Variants in ST8SIA6 observed in about 807,000 individuals in gnomAD.
ST8SIA6 encodes the protein ST8 alpha-N-acetyl-neuraminide alpha-2,8-sialyltransferase 6.
A neutral mutation model predicts 33.6 loss-of-function variants in ST8SIA6; 39 were observed. The ratio of observed to expected loss-of-function variants is 1.16; its 90% CI spans 0.90 to 1.52. The LOEUF (loss-of-function observed/expected upper bound fraction) is 1.52, where lower values mean the gene tolerates loss of function less well. Ranked by LOEUF, ST8SIA6 falls within the 40% of genes most tolerant of loss-of-function variation. ST8SIA6 has a pLI of 0.00. For synonymous variants in ST8SIA6, 172 were observed against 167.2 expected (o/e 1.03, Z -0.22); for missense variants, 441 against 443.8 (o/e 0.99, Z 0.06).
At chr10:17,338,420 C>A (rs577961970) in intron 4 of ST8SIA6, among the ~76,000 whole-genome samples, 69 of 152,144 alleles carry the variant, frequency 4.5e-4, no homozygotes, top group Non-Finnish European at 7.9e-4. Flanking sequence ...CAACTCAAAC[C>A]TTTGTGTTTT....
chr10:17,383,674 G>A (rs191554784), intron 3 of ST8SIA6, among the ~76,000 whole-genome samples: 1 of 152,088 alleles, frequency 6.6e-6, no homozygotes, highest in African/African-American at 2.4e-5. Context: ...TTAAATGCAC[G>A]TTTCTAATAA....
intron 2 of ST8SIA6, among the ~76,000 whole-genome samples, chr10:17,433,145 C>T (rs1852153178): frequency 6.6e-6 from 1 of 152,172 alleles, no homozygotes; most frequent in Admixed American, 6.5e-5. Flanking sequence ...CACATCCCAA[C>T]TTCTCTGGCT....
chr10:17,349,595 C>T (rs1848964487), intron 4 of ST8SIA6, among the ~76,000 whole-genome samples: 2 of 152,152 alleles, frequency 1.3e-5, no homozygotes, highest in Admixed American at 6.5e-5. Context: ...AGAATAAAGA[C>T]GTTGCCATAA....
chr10:17,432,347 T>C (rs1022617990), intron 2 of ST8SIA6, among the ~76,000 whole-genome samples: 2 of 152,066 alleles, frequency 1.3e-5, no homozygotes, highest in African/African-American at 4.8e-5. Flanking sequence ...GAGAATAGAT[T>C]CTGGAAGGGG....
chr10:17,437,610 TTTCC>T (rs374960462), intron 2 of ST8SIA6, among the ~76,000 whole-genome samples: 13 of 97,980 alleles, frequency 1.3e-4, no homozygotes, highest in South Asian at 3.5e-4. Flanking sequence ...GGACCCCCTG[TTTCC>T]TTCCTTCCTT....
In ST8SIA6 at chr10:17,317,205, T is replaced by C. The variant is rs1847800933; in HGVS notation, c.*3673A>G. ...ATATTATCTGCTAAAGAGTTTGCCC[T>C]GTCTCCATTACATAAGTAGCGCATC... On this transcript the variant is annotated 3_prime_UTR_variant, in exon 8 of 8. Coordinates refer to ENST00000377602, the MANE Select transcript of ST8SIA6 (RefSeq NM_001004470.3). 6.6e-6 allele frequency among the ~76,000 whole-genome samples: 1 copy of C among 152,228 alleles called. No individual in the cohort carries two copies. The highest frequency in any genetic ancestry group is 1.5e-5 in the Non-Finnish European group (1 of 68,038).
At chr10:17,447,610 G>A (rs1327200703) in intron 2 of ST8SIA6, among the ~76,000 whole-genome samples, 1 of 152,046 alleles carries the variant, frequency 6.6e-6, no homozygotes, top group Non-Finnish European at 1.5e-5. Context: ...GAAATGAGGA[G>A]GGGATCATTT....
At chr10:17,431,062 A>T (rs1013961463) in intron 2 of ST8SIA6, among the ~76,000 whole-genome samples, 2 of 152,252 alleles carry the variant, frequency 1.3e-5, no homozygotes, top group Admixed American at 6.5e-5. Flanking sequence ...AAAAAGATTT[A>T]GGCAGAAATC....
At chr10:17,384,545 C>T (rs1461994636) in intron 3 of ST8SIA6, among the ~76,000 whole-genome samples, 1 of 152,130 alleles carries the variant, frequency 6.6e-6, no homozygotes, top group African/African-American at 2.4e-5. Flanking sequence ...AAATTCTAGT[C>T]TTGCCTAATG....
chr10:17,409,639 G>C (rs1011907532), intron 2 of ST8SIA6: 1 of 152,300 alleles, frequency 6.6e-6, no homozygotes, highest in African/African-American at 2.4e-5. Context: ...CACTTTGGGA[G>C]GCCAAGGTAG....
chr10:17,377,306 T>G (rs1271658009), intron 3 of ST8SIA6, among the ~76,000 whole-genome samples: 1 of 152,182 alleles, frequency 6.6e-6, no homozygotes, highest in Non-Finnish European at 1.5e-5. Context: ...GCTGACTCCC[T>G]TTTCGGACTT....
chr10:17,419,392 C>T (rs1262478006), intron 2 of ST8SIA6, among the ~76,000 whole-genome samples: 1 of 151,988 alleles, frequency 6.6e-6, no homozygotes, highest in Non-Finnish European at 1.5e-5. Flanking sequence ...ATTAGCTGGG[C>T]ATGGCAGTGT....
At chr10:17,415,897 C>T (rs924920913) in intron 2 of ST8SIA6, among the ~76,000 whole-genome samples, 2 of 150,914 alleles carry the variant, frequency 1.3e-5, no homozygotes, top group Admixed American at 6.6e-5. Context: ...GCAACCTCCA[C>T]CTCCCAGGTT....
intron 2 of ST8SIA6, among the ~76,000 whole-genome samples, chr10:17,393,944 T>C (rs544161988): frequency 9.3e-4 from 142 of 152,216 alleles, no homozygotes; most frequent in Non-Finnish European, 1.9e-3. Context: ...CTGTGCTTTC[T>C]GAATGTATTA....
intron 2 of ST8SIA6, among the ~76,000 whole-genome samples, chr10:17,423,875 A>G (rs926513970): frequency 6.6e-6 from 1 of 152,208 alleles, no homozygotes; most frequent in Admixed American, 6.5e-5. Context: ...GTAGATAACT[A>G]AAGTGATGCA....
chr10:17,374,777 A>G lies in ST8SIA6; in HGVS notation c.291-15177T>C, dbSNP rs1046779205. ...AATATATATATATATATTTAGCTCA[A>G]CTGCCCTCCCAACTTGAAATTTTAT... is the stretch of plus-strand genomic sequence containing the variant. On this transcript the variant is annotated intron_variant, in intron 3 of 7. Transcript: ENST00000377602. Among the ~76,000 whole-genome samples, 12 of 148,818 alleles carry G rather than the reference A, an allele frequency of 8.1e-5. No homozygotes were observed. The East Asian group carries it at 1.0e-3, about 12-fold the overall frequency.
chr10:17,317,840 G>T lies in ST8SIA6; in HGVS notation c.*3038C>A, dbSNP rs1272564623. On this transcript the variant is annotated 3_prime_UTR_variant, in exon 8 of 8. Coordinates refer to ENST00000377602, the MANE Select transcript of ST8SIA6 (RefSeq NM_001004470.3). ...GGCTGAGAGCCCACGCAGTTACTGG[G>T]TTAGGACTTACATGAAGAAGGAAAT... is the stretch of plus-strand genomic sequence containing the variant. Among the ~76,000 whole-genome samples, 1 of 152,198 alleles carries T rather than the reference G, an allele frequency of 6.6e-6. No individual in the cohort carries two copies. Among genetic ancestry groups the T allele is most frequent in the Non-Finnish European group, 1.5e-5 (1 of 68,024 alleles).
chr10:17,340,190 C>A (rs964756234), intron 4 of ST8SIA6, among the ~76,000 whole-genome samples: 1 of 152,158 alleles, frequency 6.6e-6, no homozygotes, highest in South Asian at 2.1e-4. Context: ...TCGTTCTCTT[C>A]GTCTCCTTGC....
intron 7 of ST8SIA6, among the ~76,000 whole-genome samples, chr10:17,322,216 A>C (rs1847979840): frequency 7.1e-6 from 1 of 140,830 alleles, no homozygotes; most frequent in Non-Finnish European, 1.5e-5. Flanking sequence ...AGAAAGAGAA[A>C]GAAAAGAAAG....
Sources: gnomAD v4.1 joint callset for allele counts (sites outside exome capture counted in the v4.1 genomes callset) on GRCh38, gnomAD v4.1.1 for gene constraint, MANE v1.5 for transcripts, NCBI Gene and HGNC (gene_info 2026-07-23, HGNC 2026-07-21) for gene names.